Variants in BCAS3 observed in about 807,000 individuals in gnomAD.
BCAS3 encodes the protein BCAS4/BCAS3 fusion.
Under a neutral mutation model 116.1 loss-of-function variants are expected in BCAS3, and 53 were observed. The observed-to-expected ratio is 0.46, with a 90% confidence interval of 0.37 to 0.57. The LOEUF (loss-of-function observed/expected upper bound fraction) is 0.57, where lower values mean the gene tolerates loss of function less well. Among genes scored for constraint, BCAS3 ranks in the 20% least tolerant of loss-of-function variants. The pLI, the probability that BCAS3 is intolerant of heterozygous loss-of-function variation, is 0.00. For synonymous variants in BCAS3, 391 were observed against 408.2 expected, an observed-to-expected ratio of 0.96 and a Z score of 0.51; for missense variants, 917 against 1,165.4, an observed-to-expected ratio of 0.79 and a Z score of 3.10.
intron 2 of BCAS3, among the ~76,000 whole-genome samples, chr17:60,683,505 C>CTTTTTTT (rs138663451): frequency 1.3e-4 from 6 of 44,458 alleles, no homozygotes; most frequent in Non-Finnish European, 1.3e-4. Flanking sequence ...AAGAGTTAGC[C>CTTTTTTT]TTTTTTTTTT....
At chr17:61,351,319 A>G (rs2057830894) in intron 22 of BCAS3, among the ~76,000 whole-genome samples, 1 of 152,172 alleles carries the variant, frequency 6.6e-6, no homozygotes. Flanking sequence ...TCCCTTCCTC[A>G]AGAAGCCAAA....
intron 5 of BCAS3, among the ~76,000 whole-genome samples, chr17:60,719,407 C>T (rs190681394): frequency 6.7e-4 from 102 of 152,286 alleles, no homozygotes; most frequent in East Asian, 3.7e-3. Context: ...AAAAATAATT[C>T]GTCTTTTATG....
rs941811314 is a variant in BCAS3, at chr17:61,073,186, A to G, written c.2030-1734A>G. ...TCTTGATATAATTTGTCATCACAAG[A>G]ATGTAGGTGTATGCTTTTGTGATCA... On this transcript the variant is annotated intron_variant, in intron 19 of 23. Transcript: ENST00000407086. The surrounding 1 kb of genome is among the most constrained non-coding windows in gnomAD (Gnocchi z 4.6). 6.6e-6 allele frequency among the ~76,000 whole-genome samples: 1 copy of G among 152,210 alleles called. No individual in the cohort carries two copies. The highest frequency in any genetic ancestry group is 1.5e-5 in the Non-Finnish European group (1 of 68,036).
chr17:60,713,326 G>C (rs2038155881), intron 5 of BCAS3, among the ~76,000 whole-genome samples: 3 of 152,026 alleles, frequency 2.0e-5, no homozygotes, highest in Non-Finnish European at 4.4e-5. Flanking sequence ...ATTTTACTTT[G>C]TTAGCCATTA....
intron 4 of BCAS3, among the ~76,000 whole-genome samples, chr17:60,703,224 G>A (rs1278911988): frequency 6.6e-6 from 1 of 151,864 alleles, no homozygotes; most frequent in African/African-American, 2.4e-5. Context: ...GCAGTGAGCT[G>A]AGATCGTGCC....
At chr17:61,046,977 A>G (rs930226970) in intron 19 of BCAS3, among the ~76,000 whole-genome samples, 1 of 152,012 alleles carries the variant, frequency 6.6e-6, no homozygotes, top group Non-Finnish European at 1.5e-5. Flanking sequence ...ATCATAATAA[A>G]TACACTGCTA....
intron 4 of BCAS3, among the ~76,000 whole-genome samples, chr17:60,695,167 C>T (rs2035424154): frequency 6.9e-6 from 1 of 145,338 alleles, no homozygotes; most frequent in Non-Finnish European, 1.5e-5. Flanking sequence ...GTCACCCAGG[C>T]TGGAGTGCAG....
chr17:61,283,380 C>A (rs1201490933), intron 22 of BCAS3, among the ~76,000 whole-genome samples: 1 of 152,084 alleles, frequency 6.6e-6, no homozygotes, highest in African/African-American at 2.4e-5. Context: ...CTATTTAGTT[C>A]ATCAGCGATG....
intron 22 of BCAS3, among the ~76,000 whole-genome samples, chr17:61,085,085 A>T (rs1325171036): frequency 6.6e-6 from 1 of 152,234 alleles, no homozygotes; most frequent in Non-Finnish European, 1.5e-5. Flanking sequence ...AGCTATGAAT[A>T]TGTATCATTA....
intron 22 of BCAS3, among the ~76,000 whole-genome samples, chr17:61,334,454 T>C (rs2056542735): frequency 1.3e-5 from 2 of 151,874 alleles, no homozygotes; most frequent in South Asian, 4.2e-4. Context: ...ATCACCTGAG[T>C]CAGGAGTTCA....
Position 60,994,270 on chromosome 17 carries a change from G to A in BCAS3, c.1486+4035G>A, listed in dbSNP as rs1441294584. Among the ~76,000 whole-genome samples, 1 of 151,652 alleles carries A rather than the reference G, an allele frequency of 6.6e-6. No homozygotes were observed. The highest frequency in any genetic ancestry group is 1.5e-5 in the Non-Finnish European group (1 of 67,890). On this transcript the variant is annotated intron_variant, in intron 15 of 23. Coordinates refer to ENST00000407086, the MANE Select transcript of BCAS3 (RefSeq NM_017679.5). The surrounding 1 kb of genome is among the most constrained non-coding windows in gnomAD (Gnocchi z 4.4). ...GAAATTATGATTATATAATATTTTA[G>A]TATTAATTGATTATATACATTACTA...
chr17:61,306,508 C>T (rs1052194838), intron 22 of BCAS3, among the ~76,000 whole-genome samples: 16 of 152,052 alleles, frequency 1.1e-4, no homozygotes, highest in Admixed American at 7.9e-4. Context: ...GCACACCAAG[C>T]TTTTATGCCT....
chr17:60,941,948 C>G (rs2060245152), intron 13 of BCAS3, among the ~76,000 whole-genome samples: 1 of 152,088 alleles, frequency 6.6e-6, no homozygotes, highest in Non-Finnish European at 1.5e-5. Context: ...ATCTTATTTC[C>G]TGTCAGAATG....
intron 5 of BCAS3, among the ~76,000 whole-genome samples, chr17:60,722,683 C>T (rs1394789242): frequency 2.6e-5 from 4 of 151,582 alleles, no homozygotes; most frequent in Non-Finnish European, 4.4e-5. Context: ...ATCACTTGAA[C>T]CTGGGAGGTG....
intron 15 of BCAS3, among the ~76,000 whole-genome samples, chr17:60,992,189 T>TAC (rs576760115): frequency 0.13 from 16,775 of 130,568 alleles, 1,138 homozygotes; most frequent in East Asian, 0.25. Context: ...TCCGATGACT[T>TAC]ACACACACAC....
intron 2 of BCAS3, 21 bp from the exon 3 acceptor site, chr17:60,683,961 G>A (rs1348714783): frequency 6.2e-7 from 1 of 1,608,022 alleles, no homozygotes; most frequent in African/African-American, 1.3e-5. Flanking sequence ...GACCAGTGTT[G>A]TCCATTTCAC....
intron 9 of BCAS3, among the ~76,000 whole-genome samples, chr17:60,879,746 T>TTAACACTAA (rs2055942632): frequency 6.6e-6 from 1 of 152,254 alleles, no homozygotes; most frequent in Non-Finnish European, 1.5e-5. Flanking sequence ...GTGTTATTTC[T>TTAACACTAA]TGGTTTTAAT....
chr17:61,198,449 G>A lies in BCAS3; in HGVS notation c.2425+113885G>A, dbSNP rs1046135720. Among the ~76,000 whole-genome samples the A allele has an allele frequency of 6.6e-6, 1 of 152,020 alleles. No homozygotes were observed. The highest frequency in any genetic ancestry group is 2.4e-5 in the African/African-American group (1 of 41,392). On this transcript the variant is annotated intron_variant, in intron 22 of 23. Transcript: ENST00000407086. This position sits in a 1 kb window ranked among gnomAD's most constrained non-coding sequence, Gnocchi z 5.0. ...GCCACTGTGCCCAGCCCGATATGTT[G>A]ATTTTCAAATAATTCATTAATTTAA...
At chr17:61,165,092 A>G (rs2078408571) in intron 22 of BCAS3, among the ~76,000 whole-genome samples, 1 of 152,246 alleles carries the variant, frequency 6.6e-6, no homozygotes, top group South Asian at 2.1e-4. Context: ...AAGCAGTAAC[A>G]GTTTCTATCC....
Sources: gnomAD v4.1 joint callset for allele counts (sites outside exome capture counted in the v4.1 genomes callset) on GRCh38, gnomAD v4.1.1 for gene constraint, Gnocchi (gnomAD v3.1) non-coding constraint, MANE v1.5 for transcripts, NCBI Gene and HGNC (gene_info 2026-07-23, HGNC 2026-07-21) for gene names.